Variants in EGFLAM observed in about 807,000 individuals in gnomAD.
EGFLAM encodes EGF like, fibronectin type III and laminin G domains.
A neutral mutation model predicts 113.1 loss-of-function variants in EGFLAM; 79 were observed. The observed-to-expected ratio is 0.70, with a 90% CI of 0.58 to 0.84. EGFLAM has a LOEUF of 0.84. EGFLAM is among the 40% of genes least tolerant of loss of function. The pLI is 0.00. For synonymous variants in EGFLAM, 504 were observed against 487.6 expected (o/e 1.03, Z -0.44); for missense variants, 1,265 against 1,291.6 (o/e 0.98, Z 0.32).
intron 1 of EGFLAM, among the ~76,000 whole-genome samples, chr5:38,267,810 A>C (rs1757669506): frequency 6.6e-6 from 1 of 152,234 alleles, no homozygotes. Context: ...TGACGTTCCA[A>C]GTGGCAGCAA....
At chr5:38,313,829 G>A (rs930795207) in intron 1 of EGFLAM, among the ~76,000 whole-genome samples, 17 of 152,116 alleles carry the variant, frequency 1.1e-4, no homozygotes, top group South Asian at 2.1e-4. Flanking sequence ...CTATGTAAGC[G>A]TTTTGTCCAT....
At chr5:38,367,870 C>G (rs1740104064) in intron 5 of EGFLAM, among the ~76,000 whole-genome samples, 1 of 152,160 alleles carries the variant, frequency 6.6e-6, no homozygotes, top group South Asian at 2.1e-4. Context: ...AGGTTTTGAA[C>G]AGGCATTCAA....
chr5:38,360,661 T>C (rs187960506), intron 5 of EGFLAM, among the ~76,000 whole-genome samples: 1 of 152,124 alleles, frequency 6.6e-6, no homozygotes, highest in Non-Finnish European at 1.5e-5. Flanking sequence ...GGGGTTATTA[T>C]GAAATTACAT....
chr5:38,288,724 G>A (rs887365389), intron 1 of EGFLAM, among the ~76,000 whole-genome samples: 2 of 152,180 alleles, frequency 1.3e-5, no homozygotes, highest in Non-Finnish European at 2.9e-5. Flanking sequence ...TATAAGAAAG[G>A]AGATAACAAA....
In EGFLAM at chr5:38,406,877, A is replaced by T; in HGVS notation, c.878A>T (p.Glu293Val). The T allele has an allele frequency of 6.2e-7, 1 of 1,614,148 alleles. No individual in the cohort carries two copies. Among genetic ancestry groups the T allele is most frequent in the Non-Finnish European group, 8.5e-7 (1 of 1,180,012 alleles). ...GGAGGGAATAAGAAATTTTTGGTGG[A>T]AAGCAAGAAGATGTCTATATCTAAC... ...TKGGNKKFLV[E>V]SKKMSISNPK... The change falls in exon 8 of 22, where the codon GAA becomes GTA. Residue 293 changes from glutamate (E) to valine (V), a missense_variant. By Grantham distance (121) the Glu-to-Val change is moderately radical. Transcript: ENST00000322350.
intron 14 of EGFLAM, chr5:38,427,498 A>C: frequency 2.0e-6 from 1 of 504,416 alleles, no homozygotes; most frequent in Admixed American, 3.9e-5. Context: ...TGTATGCTTC[A>C]AACTATGGAA....
At chr5:38,411,449 G>A (rs2112142038) in intron 10 of EGFLAM, among the ~76,000 whole-genome samples, 1 of 151,764 alleles carries the variant, frequency 6.6e-6, no homozygotes, top group Middle Eastern at 3.4e-3. Context: ...AAAGAAAACG[G>A]GAATGCGGAT....
chr5:38,424,925 A>C, intron 12 of EGFLAM, 42 bp from the exon 13 acceptor site: 1 of 1,608,382 alleles, frequency 6.2e-7, no homozygotes, highest in South Asian at 1.1e-5. Context: ...TTGGACTGGC[A>C]CACATGGAGG....
chr5:38,308,218 G>T (rs575756978), intron 1 of EGFLAM, among the ~76,000 whole-genome samples: 27 of 152,362 alleles, frequency 1.8e-4, no homozygotes, highest in African/African-American at 6.5e-4. Flanking sequence ...CAGCCACAGA[G>T]TTCTTGTTAA....
intron 1 of EGFLAM, among the ~76,000 whole-genome samples, chr5:38,268,942 G>A (rs902838338): frequency 6.6e-6 from 1 of 152,178 alleles, no homozygotes; most frequent in Non-Finnish European, 1.5e-5. Context: ...GGGAGGCTGA[G>A]GTGGTGGGTG....
chr5:38,270,826 C>T (rs1287633299), intron 1 of EGFLAM, among the ~76,000 whole-genome samples: 1 of 152,024 alleles, frequency 6.6e-6, no homozygotes, highest in African/African-American at 2.4e-5. Flanking sequence ...ATGGGCATTC[C>T]AATGTTAATG....
rs914741707 is a variant in EGFLAM, at chr5:38,465,304, C to T, written c.*1318C>T. On this transcript the variant is annotated 3_prime_UTR_variant, in exon 22 of 22. Coordinates refer to ENST00000322350, the MANE Select transcript of EGFLAM (RefSeq NM_152403.4). ...TAAGGGAAAGGTGAGATGAACACTGCCCCCAAGGAGGGGGTGAAATATGAT... is the reference window on the plus strand; with the variant it reads ...TAAGGGAAAGGTGAGATGAACACTGTCCCCAAGGAGGGGGTGAAATATGAT... 6.6e-6 allele frequency among the ~76,000 whole-genome samples: 1 copy of T among 152,192 alleles called. No homozygotes were observed. Among genetic ancestry groups the T allele is most frequent in the Non-Finnish European group, 1.5e-5 (1 of 68,044 alleles).
At chr5:38,369,532 G>A (rs1740150646) in intron 5 of EGFLAM, among the ~76,000 whole-genome samples, 2 of 152,182 alleles carry the variant, frequency 1.3e-5, no homozygotes, top group Admixed American at 1.3e-4. Flanking sequence ...CAGGTACTAG[G>A]CTGGAGATAT....
At chr5:38,334,825 T>C (rs1168492680) in intron 1 of EGFLAM, among the ~76,000 whole-genome samples, 1 of 152,182 alleles carries the variant, frequency 6.6e-6, no homozygotes, top group Non-Finnish European at 1.5e-5. Flanking sequence ...ATTTTCTAAA[T>C]GTAAGTTTGA....
At chr5:38,315,169 CT>C (rs1738559729) in intron 1 of EGFLAM, among the ~76,000 whole-genome samples, 2 of 152,104 alleles carry the variant, frequency 1.3e-5, no homozygotes, top group Admixed American at 6.6e-5. Context: ...TCTTATTATC[CT>C]ATCTCTTTAA....
chr5:38,325,526 G>A (rs950266059), intron 1 of EGFLAM, among the ~76,000 whole-genome samples: 1 of 152,228 alleles, frequency 6.6e-6, no homozygotes, highest in Non-Finnish European at 1.5e-5. Context: ...TAGGCCAGGA[G>A]TGAGGCAAAG....
chr5:38,348,471 C>A (rs2561115), intron 3 of EGFLAM, among the ~76,000 whole-genome samples: 13,235 of 152,096 alleles, frequency 0.087, 609 homozygotes, highest in East Asian at 0.13. Context: ...TGATTTTCAA[C>A]GGAGCCAAGA....
intron 6 of EGFLAM, among the ~76,000 whole-genome samples, chr5:38,392,632 G>T (rs1215884223): frequency 6.6e-6 from 1 of 150,594 alleles, no homozygotes; most frequent in African/African-American, 2.5e-5. Flanking sequence ...TTTTTTTTGG[G>T]GGGGCGGTTC....
rs1340479605 is a variant in EGFLAM at position 38,465,305 on chromosome 5, C to A, written c.*1319C>A. Among the ~76,000 whole-genome samples, 3 of 152,192 alleles carry A rather than the reference C, an allele frequency of 2.0e-5. No individual in the cohort carries two copies. The highest frequency in any genetic ancestry group is 7.2e-5 in the African/African-American group (3 of 41,452). On this transcript the variant is annotated 3_prime_UTR_variant, in exon 22 of 22. Coordinates refer to ENST00000322350, the MANE Select transcript of EGFLAM (RefSeq NM_152403.4). ...AAGGGAAAGGTGAGATGAACACTGC[C>A]CCCAAGGAGGGGGTGAAATATGATC...
Sources: gnomAD v4.1 joint callset for allele counts (sites outside exome capture counted in the v4.1 genomes callset) on GRCh38, gnomAD v4.1.1 for gene constraint, MANE v1.5 for transcripts, NCBI Gene and HGNC (gene_info 2026-07-23, HGNC 2026-07-21) for gene names.